Variants in POLR1C observed in about 807,000 individuals in gnomAD.
POLR1C encodes the protein DNA-directed RNA polymerases I and III subunit RPAC1.
A neutral mutation model predicts 38.3 loss-of-function variants in POLR1C; 42 were observed. The ratio of observed to expected loss-of-function variants is 1.10; its 90% CI spans 0.86 to 1.42. The LOEUF is 1.42. Ranked by LOEUF, POLR1C falls within the 40% of genes most tolerant of loss-of-function variation. The pLI is 0.00. For synonymous variants in POLR1C, 163 were observed against 163.9 expected (o/e 0.99, Z 0.04); for missense variants, 507 against 450.5 (o/e 1.13, Z -1.14).
At chr6:43,520,494 G>A (rs1478495928) in intron 6 of POLR1C, 67 bp downstream of exon 6, 6 of 1,600,672 alleles carry the variant, frequency 3.7e-6, no homozygotes, top group Non-Finnish European at 5.1e-6. Flanking sequence ...GCTGACTAGG[G>A]AACTCAGCTG....
At chr6:43,558,443 A>G (rs1455767485) in intron 10 of POLR1C, 3 of 1,452,528 alleles carry the variant, frequency 2.1e-6, no homozygotes, top group African/African-American at 2.8e-5. Context: ...ACCATGATTC[A>G]TAATACTAGA....
chr6:43,519,545 C>T, intron 3 of POLR1C, 105 bp downstream of exon 3: 3 of 1,410,528 alleles, frequency 2.1e-6, no homozygotes, highest in Non-Finnish European at 3.0e-6. Flanking sequence ...CTTAATTTTC[C>T]TGGAATTTTG....
chr6:43,539,766 T>G (rs563054914), intron 9 of POLR1C: 4 of 588,150 alleles, frequency 6.8e-6, no homozygotes, highest in African/African-American at 3.7e-5. Flanking sequence ...GTCTAAGAGA[T>G]AAATTATCTG....
chr6:43,560,161 A>G, intron 10 of POLR1C: 1 of 1,610,814 alleles, frequency 6.2e-7, no homozygotes, highest in Non-Finnish European at 8.5e-7. Context: ...CCACATGTTT[A>G]GATTCCCATT....
At position 43,520,278 on chromosome 6, in the gene POLR1C, A is replaced by G. The variant is rs771262971; in HGVS notation, c.506A>G (p.Tyr169Cys). ...TTCTGACATGTTTTTCCTCCAGTGT[A>G]TACCAGGCATATGACATGGATCCCC... is the stretch of plus-strand genomic sequence containing the variant. ...PNELYVNHKV[Y>C]TRHMTWIPLG... Residue 169 changes from tyrosine to cysteine, a missense_variant, in exon 6 of 9, where the codon TAT (tyrosine) becomes TGT (cysteine). Coordinates refer to ENST00000642195, the MANE Select transcript of POLR1C (RefSeq NM_203290.4). 46 of 1,612,934 alleles carry G rather than the reference A, an allele frequency of 2.9e-5. No homozygotes were observed. The highest frequency in any genetic ancestry group is 3.6e-5 in the Non-Finnish European group (43 of 1,180,040).
downstream of POLR1C, chr6:43,525,520 G>GA (rs948320516): frequency 1.2e-5 from 6 of 499,314 alleles, no homozygotes; most frequent in African/African-American, 7.7e-5. Flanking sequence ...CAGTCAAAAA[G>GA]AAAAAATCAA....
Position 43,526,846 on chromosome 6 carries a change from A to T in POLR1C, c.923-2403A>T, listed in dbSNP as rs185878455. The stretch of plus-strand genomic sequence containing the variant: ...ATCCCAACCTGTCTCTGGCCAGGTG[A>T]GGAAGGAGGAAGATGGGGGTACCGT... On this transcript the variant is annotated intron_variant, in intron 8 of 8. Transcript: ENST00000304004. 1.1e-4 allele frequency: 132 copies of T among 1,227,248 alleles called. 1 individual carries two copies. The African/African-American group carries it at 1.7e-3, about 16-fold the overall frequency. 76.0% of individuals were successfully genotyped at this position (1,227,248 alleles called of 1,614,324 possible).
At chr6:43,553,319 GAAAAGA>G in intron 10 of POLR1C, 1 of 1,559,672 alleles carries the variant, frequency 6.4e-7, no homozygotes, top group Non-Finnish European at 8.7e-7. Context: ...AAAGAGAAAA[GAAAAGA>G]AAAAGGTCAA....
At chr6:43,560,677 C>G (rs1235848512) in intron 10 of POLR1C, among the ~76,000 whole-genome samples, 3 of 152,174 alleles carry the variant, frequency 2.0e-5, no homozygotes, top group Admixed American at 6.5e-5. Flanking sequence ...CCACCTGGGA[C>G]ACACCTCACA....
At chr6:43,530,572 A>C, downstream of POLR1C, 1 of 1,265,286 alleles carries the variant, frequency 7.9e-7, no homozygotes, top group Non-Finnish European at 1.1e-6. Flanking sequence ...ACTTAGATAC[A>C]TAATCTCATC....
intron 9 of POLR1C, chr6:43,539,801 C>T (rs1449934003): frequency 7.3e-6 from 4 of 551,458 alleles, no homozygotes; most frequent in Non-Finnish European, 1.3e-5. Flanking sequence ...GGGAGAACTC[C>T]CATGTAAAAT....
At chr6:43,543,420 C>T (rs982442262) in intron 9 of POLR1C, among the ~76,000 whole-genome samples, 5 of 152,010 alleles carry the variant, frequency 3.3e-5, no homozygotes, top group African/African-American at 7.3e-5. Context: ...AACACTGCAC[C>T]CCAACCTGGG....
intron 9 of POLR1C, chr6:43,547,697 C>G (rs1795027462): frequency 1.2e-6 from 2 of 1,613,968 alleles, no homozygotes; most frequent in Non-Finnish European, 1.7e-6. Context: ...GCATCAACAT[C>G]TGACAGCACT....
At chr6:43,525,938 G>A (rs762924272), downstream of POLR1C, 67 of 1,613,144 alleles carry the variant, frequency 4.2e-5, 1 homozygote, top group South Asian at 7.4e-4. Flanking sequence ...TCAGAGAGTA[G>A]AATGTTAAGC....
At chr6:43,555,823 G>C in intron 10 of POLR1C, 1 of 1,613,556 alleles carries the variant, frequency 6.2e-7, no homozygotes, top group South Asian at 1.1e-5. Context: ...ATTCAGTAAT[G>C]AAAAAAACTT....
At chr6:43,557,783 TAAAAAAAAAAAAAA>T (rs59661301) in intron 10 of POLR1C, among the ~76,000 whole-genome samples, 3 of 87,230 alleles carry the variant, frequency 3.4e-5, no homozygotes, top group African/African-American at 1.3e-4. Flanking sequence ...AATAAAGCTG[TAAAAAAAAAAAAAA>T]AAAAAAAAAA....
rs1793079080 is a variant in POLR1C at position 43,520,287 on chromosome 6, A to G, written c.515A>G (p.His172Arg). 4 of 1,613,082 alleles carry G rather than the reference A, an allele frequency of 2.5e-6. No homozygotes were observed. The highest frequency in any genetic ancestry group is 1.1e-5 in the South Asian group (1 of 91,088). The change falls in exon 6 of 9, where the codon CAT (histidine) becomes CGT (arginine). Residue 172 changes from histidine to arginine, a missense_variant. His to Arg is a conservative substitution (Grantham distance 29). Transcript: ENST00000642195. Reference protein sequence around the residue: ...LYVNHKVYTRHMTWIPLGNQA... With the variant: ...LYVNHKVYTRRMTWIPLGNQA... ...GTTTTTCCTCCAGTGTATACCAGGC[A>G]TATGACATGGATCCCCCTGGGGAAC...
chr6:43,526,376 A>T (rs1295736224), downstream of POLR1C: 2 of 450,232 alleles, frequency 4.4e-6, no homozygotes, highest in East Asian at 3.9e-5. Context: ...AATACAGAGT[A>T]GCTGGGGTTG....
chr6:43,519,901 G>A, intron 4 of POLR1C, 63 bp downstream of exon 4: 1 of 1,570,848 alleles, frequency 6.4e-7, no homozygotes, highest in Non-Finnish European at 8.7e-7. Flanking sequence ...TGACTGTGAT[G>A]TTGGGTAAGT....
Sources: gnomAD v4.1 joint callset for allele counts (sites outside exome capture counted in the v4.1 genomes callset) on GRCh38, gnomAD v4.1.1 for gene constraint, MANE v1.5 for transcripts, NCBI Gene and HGNC (gene_info 2026-07-23, HGNC 2026-07-21) for gene names.